The following CTBP2 variants were observed in gnomAD, a reference collection of about 807,000 sequenced individuals.
The protein encoded by CTBP2 is C-terminal-binding protein 2.
In CTBP2, 30 loss-of-function variants were observed where a neutral mutation model predicts 80.3. The ratio of observed to expected loss-of-function variants is 0.37; its 90% CI spans 0.28 to 0.51. The LOEUF (loss-of-function observed/expected upper bound fraction) is 0.51, where lower values mean the gene tolerates loss of function less well. CTBP2 is among the 20% of genes least tolerant of loss of function. The pLI is 0.93. For missense variants in CTBP2, 1,212 were observed against 1,375.3 expected (o/e 0.88, Z 1.88); for synonymous variants, 594 against 587.4 (o/e 1.01, Z -0.16).
At chr10:125,064,026 A>C (rs1474096813) in intron 2 of CTBP2, among the ~76,000 whole-genome samples, 2 of 150,290 alleles carry the variant, frequency 1.3e-5, no homozygotes, top group Admixed American at 6.7e-5. Flanking sequence ...CTCCAATTCC[A>C]CATAGGAATC....
intron 2 of CTBP2, among the ~76,000 whole-genome samples, chr10:125,110,365 G>C (rs1182616785): frequency 6.6e-6 from 1 of 152,174 alleles, no homozygotes; most frequent in Non-Finnish European, 1.5e-5. Flanking sequence ...ATGAAACTTA[G>C]AATCCCAAAA....
intron 1 of CTBP2, among the ~76,000 whole-genome samples, chr10:125,116,365 C>T (rs192857196): frequency 2.0e-5 from 3 of 152,238 alleles, no homozygotes; most frequent in Admixed American, 6.5e-5. Flanking sequence ...GACACTCCCT[C>T]GGCACCCATG....
chr10:125,052,548 A>C (rs1963027780), intron 2 of CTBP2, among the ~76,000 whole-genome samples: 1 of 152,268 alleles, frequency 6.6e-6, no homozygotes, highest in Non-Finnish European at 1.5e-5. Flanking sequence ...AACAACACCC[A>C]GAAGATTCCA....
intron 2 of CTBP2, among the ~76,000 whole-genome samples, chr10:125,105,708 C>T (rs866840206): frequency 1.3e-5 from 2 of 152,114 alleles, no homozygotes; most frequent in African/African-American, 4.8e-5. Flanking sequence ...TGGTCTAATG[C>T]ATTCTAAGAG....
intron 1 of CTBP2, among the ~76,000 whole-genome samples, chr10:125,025,433 C>T (rs1202054983): frequency 6.6e-6 from 1 of 152,198 alleles, no homozygotes; most frequent in African/African-American, 2.4e-5. Flanking sequence ...ATATATCCTT[C>T]CCTTCAAGCA....
At chr10:125,010,638 C>A (rs1026567498) in intron 1 of CTBP2, among the ~76,000 whole-genome samples, 3 of 152,214 alleles carry the variant, frequency 2.0e-5, no homozygotes, top group African/African-American at 7.2e-5. Flanking sequence ...ATCACACACA[C>A]CAAGCTGTTG....
chr10:125,008,977 C>T (rs1267221900), intron 1 of CTBP2, among the ~76,000 whole-genome samples: 2 of 152,208 alleles, frequency 1.3e-5, no homozygotes, highest in South Asian at 4.1e-4. Context: ...TTCCTTTGTT[C>T]CCCTCTACCT....
chr10:124,993,155 T>C, intron 7 of CTBP2, 47 bp downstream of exon 9: 1 of 1,573,500 alleles, frequency 6.4e-7, no homozygotes, highest in Non-Finnish European at 8.7e-7. Flanking sequence ...GGCTGCACTG[T>C]GGAGCTGAGG....
intron 8 of CTBP2, among the ~76,000 whole-genome samples, chr10:124,990,017 C>T (rs928345379): frequency 1.4e-4 from 21 of 150,614 alleles, no homozygotes; most frequent in African/African-American, 4.9e-4. Flanking sequence ...GGAGTACAGG[C>T]GAGAGACACC....
intron 2 of CTBP2, among the ~76,000 whole-genome samples, chr10:125,075,894 A>G (rs971969302): frequency 2.6e-5 from 4 of 152,236 alleles, no homozygotes; most frequent in Non-Finnish European, 4.4e-5. Context: ...AAAGCTGAGC[A>G]TGTGTATCCC....
chr10:125,044,455 A>T (rs1315881069), intron 2 of CTBP2, among the ~76,000 whole-genome samples: 5 of 152,238 alleles, frequency 3.3e-5, no homozygotes, highest in Non-Finnish European at 7.3e-5. Context: ...TAACAGCCAC[A>T]TGTGCTCAGG....
At chr10:125,095,812 T>C (rs1230307484) in intron 2 of CTBP2, among the ~76,000 whole-genome samples, 1 of 152,206 alleles carries the variant, frequency 6.6e-6, no homozygotes, top group Non-Finnish European at 1.5e-5. Context: ...GGTTTCTCAC[T>C]GTTTACAAAA....
intron 3 of CTBP2, chr10:124,999,326 C>T (rs1489744659): frequency 6.6e-6 from 1 of 151,802 alleles, no homozygotes; most frequent in East Asian, 1.9e-4. Flanking sequence ...GGGACAGGGC[C>T]ACCTTTAAGG....
At chr10:125,028,451 G>A (rs1463785287), upstream of CTBP2, among the ~76,000 whole-genome samples, 3 of 152,200 alleles carry the variant, frequency 2.0e-5, no homozygotes, top group Non-Finnish European at 4.4e-5. Context: ...AGGTCCACAC[G>A]TGATCCTAGG....
intron 1 of CTBP2, among the ~76,000 whole-genome samples, chr10:125,131,457 G>A (rs1388850423): frequency 2.0e-5 from 3 of 152,196 alleles, no homozygotes; most frequent in Admixed American, 2.0e-4. Flanking sequence ...AGGACTCAGT[G>A]AATAAATGAG....
intron 2 of CTBP2, among the ~76,000 whole-genome samples, chr10:125,068,917 C>T (rs1023836847): frequency 2.0e-5 from 3 of 152,202 alleles, no homozygotes; most frequent in Non-Finnish European, 2.9e-5. Flanking sequence ...GCTGGAGCAC[C>T]GGGTTCTCCT....
intron 2 of CTBP2, among the ~76,000 whole-genome samples, chr10:125,041,854 A>G (rs1358562526): frequency 1.3e-5 from 2 of 151,952 alleles, no homozygotes; most frequent in South Asian, 2.1e-4. Context: ...TGAAAAATTG[A>G]TAAGTAGAAT....
intron 2 of CTBP2, among the ~76,000 whole-genome samples, chr10:125,098,757 A>G (rs927524993): frequency 7.8e-6 from 1 of 127,642 alleles, no homozygotes; most frequent in Non-Finnish European, 1.7e-5. Context: ...AGACAGAGAG[A>G]GAGAGAGAGA....
At chr10:124,990,206 G>A (rs189224026) in intron 8 of CTBP2, among the ~76,000 whole-genome samples, 22 of 152,012 alleles carry the variant, frequency 1.4e-4, no homozygotes, top group African/African-American at 4.3e-4. Flanking sequence ...TACCACACCC[G>A]GCTAATTTTT....
Sources: allele counts gnomAD v4.1 joint callset (sites outside exome capture counted in the v4.1 genomes callset), GRCh38; gene constraint gnomAD v4.1.1; transcripts MANE v1.5; gene names NCBI Gene and HGNC (gene_info 2026-07-23, HGNC 2026-07-21).